The following EIPR1 variants were observed in gnomAD, a reference collection of about 807,000 sequenced individuals.
EIPR1 encodes the protein EARP and GARP complex-interacting protein 1.
A neutral mutation model predicts 48.1 loss-of-function variants in EIPR1; 25 were observed. The observed-to-expected ratio is 0.52, with a 90% confidence interval of 0.38 to 0.73. The LOEUF (loss-of-function observed/expected upper bound fraction) is 0.73. EIPR1 is among the 30% of genes least tolerant of loss of function. EIPR1 has a pLI of 0.00. For missense variants in EIPR1, 415 were observed against 506.2 expected, an observed-to-expected ratio of 0.82 and a Z score of 1.73; for synonymous variants, 204 against 201.9, an observed-to-expected ratio of 1.01 and a Z score of -0.09.
chr2:3,218,755 G>A lies in EIPR1; in HGVS notation c.417-4507C>T, dbSNP rs1009241509. On this transcript the variant is annotated intron_variant, in intron 4 of 8. Transcript: ENST00000382125. ...AGTGAGTCAGGTGCACACTCAACAC[G>A]ACCCTGATACACTCTAGAGCGTTCA... is the stretch of plus-strand genomic sequence containing the variant. Among the ~76,000 whole-genome samples the A allele has an allele frequency of 2.0e-5, 3 of 149,386 alleles. No homozygotes were observed. In the East Asian group the frequency reaches 6.1e-4, roughly 30 times the overall value.
intron 4 of EIPR1, among the ~76,000 whole-genome samples, chr2:3,222,542 C>T (rs533395167): frequency 2.8e-4 from 42 of 152,154 alleles, no homozygotes; most frequent in Non-Finnish European, 5.3e-4. Context: ...TAACTGGCTT[C>T]GAGTTCTCAC....
At chr2:3,288,639 A>G (rs1668277784) in intron 3 of EIPR1, among the ~76,000 whole-genome samples, 3 of 152,322 alleles carry the variant, frequency 2.0e-5, no homozygotes, top group East Asian at 1.9e-4. Context: ...TTCCTCGGGC[A>G]TCAGAGGGTG....
intron 3 of EIPR1, among the ~76,000 whole-genome samples, chr2:3,261,398 A>C (rs1667330824): frequency 6.6e-6 from 1 of 152,224 alleles, no homozygotes; most frequent in Non-Finnish European, 1.5e-5. Context: ...TCCCTTACCC[A>C]GATCCAGATT....
At chr2:3,278,245 C>T (rs1309622398) in intron 3 of EIPR1, among the ~76,000 whole-genome samples, 1 of 152,184 alleles carries the variant, frequency 6.6e-6, no homozygotes, top group African/African-American at 2.4e-5. Flanking sequence ...ACCTGCATCC[C>T]TGCATCCTGC....
intron 3 of EIPR1, among the ~76,000 whole-genome samples, chr2:3,330,703 ACAT>A (rs1669863304): frequency 3.0e-5 from 3 of 98,614 alleles, no homozygotes; most frequent in Non-Finnish European, 4.5e-5. Flanking sequence ...GGAGGCAGGT[ACAT>A]GCACACTCAT....
chr2:3,313,509 C>G (rs1558291624), intron 3 of EIPR1, among the ~76,000 whole-genome samples: 3 of 152,120 alleles, frequency 2.0e-5, no homozygotes, highest in African/African-American at 7.2e-5. Flanking sequence ...ACTGAACACT[C>G]GCTGGACTCC....
intron 4 of EIPR1, among the ~76,000 whole-genome samples, chr2:3,219,420 G>A (rs766336973): frequency 6.7e-6 from 1 of 149,196 alleles, no homozygotes; most frequent in Non-Finnish European, 1.5e-5. Context: ...AGTGAGTCAG[G>A]TGCACACTCA....
At chr2:3,264,053 T>G (rs1667414939) in intron 3 of EIPR1, among the ~76,000 whole-genome samples, 1 of 152,212 alleles carries the variant, frequency 6.6e-6, no homozygotes, top group South Asian at 2.1e-4. Context: ...ACATTGTTAC[T>G]AACTGTGGTC....
At position 3,230,146 on chromosome 2, in the gene EIPR1, A is replaced by AT. The variant is rs1431090857; in HGVS notation, c.417-15899dup. ...GGCTTGGTAAAAGTTATTCCTGAAA[A>AT]TTTTATTTTTTTTTATTTGTAAATG... On this transcript the variant is annotated intron_variant, in intron 4 of 8. Coordinates refer to ENST00000382125, the MANE Select transcript of EIPR1 (RefSeq NM_003310.5). Among the ~76,000 whole-genome samples, 5 of 30,156 alleles carry AT rather than the reference A, an allele frequency of 1.7e-4. No homozygotes were observed. In the Admixed American group the frequency reaches 3.1e-3, roughly 19 times the overall value. The allele number at this position is 30,156 out of a possible 152,430, so 19.8% of individuals were successfully genotyped here. A position where few individuals can be genotyped will look rare whatever the true frequency, so the allele number is the denominator to read the frequency against.
At chr2:3,239,683 C>T (rs1433189389) in intron 4 of EIPR1, among the ~76,000 whole-genome samples, 5 of 152,094 alleles carry the variant, frequency 3.3e-5, no homozygotes, top group Non-Finnish European at 5.9e-5. Flanking sequence ...ACCCTCAGGG[C>T]GTCCCTTCCT....
At chr2:3,195,477 G>A (rs577115815) in intron 6 of EIPR1, among the ~76,000 whole-genome samples, 4 of 152,162 alleles carry the variant, frequency 2.6e-5, no homozygotes, top group East Asian at 3.9e-4. Context: ...TAGAACTCCC[G>A]GCCCTAAACC....
chr2:3,374,621 A>G (rs1173344404), intron 1 of EIPR1, among the ~76,000 whole-genome samples: 4 of 152,138 alleles, frequency 2.6e-5, no homozygotes, highest in Non-Finnish European at 4.4e-5. Context: ...CAAAAGACAC[A>G]TGAAAAAATG....
chr2:3,338,093 G>A lies in EIPR1; in HGVS notation c.183C>T (p.Leu61=). The change falls in exon 3 of 9, where the codon CTC becomes CTT. Residue 61 remains leucine, a synonymous_variant. Transcript: ENST00000382125. The stretch of plus-strand genomic sequence containing the variant: ...TATGCCAGATTTCACCCGCTTGATG[G>A]AGGAGGACATTTTTATTTATAATGT... ...ENNIINKNVL[L]HQAGEIWHIS... 2.5e-6 allele frequency: 4 copies of A among 1,613,070 alleles called. No homozygotes were observed. Among genetic ancestry groups the A allele is most frequent in the Non-Finnish European group, 3.4e-6 (4 of 1,179,836 alleles).
At chr2:3,251,459 C>T (rs925377359) in intron 4 of EIPR1, among the ~76,000 whole-genome samples, 29 of 152,070 alleles carry the variant, frequency 1.9e-4, no homozygotes, top group African/African-American at 5.8e-4. Context: ...GGAAAGAATC[C>T]GAGGCCCCAC....
Position 3,191,217 on chromosome 2 carries a change from T to C in EIPR1, c.989+1197A>G, listed in dbSNP as rs12714367. On this transcript the variant is annotated intron_variant, in intron 8 of 8. Coordinates refer to ENST00000382125, the MANE Select transcript of EIPR1 (RefSeq NM_003310.5). ...GCCCATCGCCACTGCAGAGAGGGTC[T>C]GAAGACAGAGACAATCAGATGGGCC... 4.2e-4 allele frequency among the ~76,000 whole-genome samples: 31 copies of C among 74,280 alleles called. 3 individuals carry two copies. The highest frequency in any genetic ancestry group is 1.3e-3 in the African/African-American group (24 of 18,596). 48.7% of individuals were successfully genotyped at this position (74,280 alleles called of 152,430 possible).
chr2:3,375,716 C>A (rs1485703111), intron 1 of EIPR1, among the ~76,000 whole-genome samples: 1 of 152,156 alleles, frequency 6.6e-6, no homozygotes, highest in East Asian at 1.9e-4. Flanking sequence ...AGTTAAGTGG[C>A]CTTGGACAGG....
At chr2:3,293,572 TC>T (rs1668436823) in intron 3 of EIPR1, among the ~76,000 whole-genome samples, 1 of 152,228 alleles carries the variant, frequency 6.6e-6, no homozygotes, top group African/African-American at 2.4e-5. Context: ...ACTGGACCAG[TC>T]CCCACGGGCA....
chr2:3,347,586 C>A (rs1236897152), intron 2 of EIPR1, among the ~76,000 whole-genome samples: 1 of 152,178 alleles, frequency 6.6e-6, no homozygotes, highest in Non-Finnish European at 1.5e-5. Context: ...TCGGGTATGT[C>A]TTTATCAGCA....
chr2:3,313,724 A>C (rs1265336466), intron 3 of EIPR1, among the ~76,000 whole-genome samples: 1 of 152,170 alleles, frequency 6.6e-6, no homozygotes, highest in Admixed American at 6.5e-5. Context: ...ATGCACAGTA[A>C]GTGTTTGGAT....
Sources: allele counts gnomAD v4.1 joint callset (sites outside exome capture counted in the v4.1 genomes callset), GRCh38; gene constraint gnomAD v4.1.1; transcripts MANE v1.5; gene names NCBI Gene and HGNC (gene_info 2026-07-23, HGNC 2026-07-21).